The following PIP4P2 variants were observed in gnomAD, a reference collection of about 807,000 sequenced individuals.
The protein encoded by PIP4P2 is type 2 phosphatidylinositol 4,5-bisphosphate 4-phosphatase.
A neutral mutation model predicts 33.3 loss-of-function variants in PIP4P2; 19 were observed. The observed-to-expected ratio is 0.57, with a 90% CI of 0.40 to 0.84. PIP4P2 has a LOEUF of 0.84. Ranked by LOEUF, PIP4P2 falls within the 40% of genes least tolerant of loss-of-function variation. PIP4P2 has a pLI of 0.00. For synonymous variants in PIP4P2, 110 were observed against 111.9 expected (o/e 0.98, Z 0.11); for missense variants, 270 against 324.7 (o/e 0.83, Z 1.29).
At chr8:91,032,798 A>G (rs868614590) in intron 1 of PIP4P2, among the ~76,000 whole-genome samples, 107 of 149,772 alleles carry the variant, frequency 7.1e-4, no homozygotes, top group South Asian at 1.9e-3. Flanking sequence ...AAAAAAAAAA[A>G]AAAGAAAGAA....
intron 5 of PIP4P2, among the ~76,000 whole-genome samples, chr8:91,005,798 C>T (rs1811755267): frequency 6.6e-6 from 1 of 152,196 alleles, no homozygotes; most frequent in Admixed American, 6.5e-5. Context: ...ATCAATGTCT[C>T]TACTAGTCAT....
intron 1 of PIP4P2, 156 bp from the exon 2 acceptor site, chr8:91,021,560 A>G: frequency 2.6e-6 from 2 of 783,398 alleles, no homozygotes; most frequent in African/African-American, 1.7e-5. Context: ...CTTTTAGAGC[A>G]CAAACATCCA....
intron 2 of PIP4P2, among the ~76,000 whole-genome samples, 168 bp downstream of exon 2, chr8:91,021,088 G>C (rs1292242114): frequency 6.6e-6 from 1 of 152,212 alleles, no homozygotes; most frequent in Non-Finnish European, 1.5e-5. Flanking sequence ...TTTAAACACA[G>C]TGAGGTATCC....
At chr8:91,037,190 C>A (rs569431737) in intron 1 of PIP4P2, among the ~76,000 whole-genome samples, 2 of 152,306 alleles carry the variant, frequency 1.3e-5, no homozygotes, top group South Asian at 4.1e-4. Flanking sequence ...AGACATAGTT[C>A]TTTGAAGGGG....
At chr8:91,040,427 C>T (rs1361445683) in intron 1 of PIP4P2, among the ~76,000 whole-genome samples, 13 of 136,506 alleles carry the variant, frequency 9.5e-5, no homozygotes, top group South Asian at 2.2e-4. Flanking sequence ...ATCACCACCA[C>T]CACCACCACC....
chr8:91,002,748 A>G (rs762603811), intron 5 of PIP4P2, among the ~76,000 whole-genome samples: 1 of 152,150 alleles, frequency 6.6e-6, no homozygotes, highest in Non-Finnish European at 1.5e-5. Context: ...TGTTTCAGCT[A>G]ATTTTTTAGG....
At chr8:91,012,932 A>G (rs1811858493) in intron 4 of PIP4P2, among the ~76,000 whole-genome samples, 1 of 152,222 alleles carries the variant, frequency 6.6e-6, no homozygotes, top group Non-Finnish European at 1.5e-5. Context: ...AGATGATTCT[A>G]AAAATTAAAT....
At chr8:91,034,540 A>G (rs576474968) in intron 1 of PIP4P2, among the ~76,000 whole-genome samples, 1 of 152,344 alleles carries the variant, frequency 6.6e-6, no homozygotes, top group African/African-American at 2.4e-5. Context: ...GAGCATTAGC[A>G]TTAGCATAGC....
chr8:91,000,428 G>A (rs1249988329), intron 5 of PIP4P2, among the ~76,000 whole-genome samples: 4 of 151,096 alleles, frequency 2.6e-5, no homozygotes, highest in Admixed American at 6.6e-5. Flanking sequence ...AGGGTACCAG[G>A]ATGGTAGATA....
rs201023751 is a variant in PIP4P2 at position 91,040,654 on chromosome 8, G to A, written c.96C>T (p.Ser32=). 6.2e-7 allele frequency: 1 copy of A among 1,613,720 alleles called. No individual in the cohort carries two copies. The highest frequency in any genetic ancestry group is 8.5e-7 in the Non-Finnish European group (1 of 1,180,018). ...CTACGCTGGCCTTACCTCTGGGGCT[G>A]CTTTCTTGCAAGTACGGTGGGGCGG... ...TPTAPPYLQE[S]SPRAELPPPY... Residue 32 remains serine (S), a synonymous_variant, in exon 1 of 7, where the codon AGC becomes AGT. Transcript: ENST00000285419.
chr8:91,005,189 G>A (rs1811749907), intron 5 of PIP4P2, among the ~76,000 whole-genome samples: 1 of 152,092 alleles, frequency 6.6e-6, no homozygotes, highest in African/African-American at 2.4e-5. Context: ...GATCCTGCAT[G>A]TCCTGTCTCA....
At chr8:91,040,391 C>A (rs13277356) in intron 1 of PIP4P2, among the ~76,000 whole-genome samples, 592 of 30,790 alleles carry the variant, frequency 0.019, 11 homozygotes, top group Middle Eastern at 0.083. Context: ...CACACACACA[C>A]CATCACCACC....
At chr8:91,039,712 T>G (rs1437150579) in intron 1 of PIP4P2, among the ~76,000 whole-genome samples, 1 of 152,188 alleles carries the variant, frequency 6.6e-6, no homozygotes, top group African/African-American at 2.4e-5. Flanking sequence ...TAAGTGGGTT[T>G]TTTTAAGTCT....
chr8:91,020,241 C>T lies in PIP4P2; in HGVS notation c.278G>A (p.Gly93Asp), dbSNP rs1372629352. ...ACAAGGGCATCTAACATATTTCTTGCCTGTTGGGGGGTTTTTGATTGGCTG... is the reference window on the plus strand; with the variant it reads ...ACAAGGGCATCTAACATATTTCTTGTCTGTTGGGGGGTTTTTGATTGGCTG... ...EATPIKNPPT[G>D]KKYVRCPCNC... is the part of the protein sequence containing the mutation. The change falls in exon 3 of 7, where the codon GGC becomes GAC. Residue 93 changes from glycine (G) to aspartate (D), a missense_variant. Gly to Asp is a moderately conservative substitution (Grantham distance 94). Transcript: ENST00000285419. The T allele has an allele frequency of 1.2e-6, 2 of 1,613,664 alleles. No homozygotes were observed. Among genetic ancestry groups the T allele is most frequent in the South Asian group, 1.1e-5 (1 of 91,070 alleles).
chr8:91,033,846 C>T (rs1475867586), intron 1 of PIP4P2, among the ~76,000 whole-genome samples: 3 of 152,154 alleles, frequency 2.0e-5, no homozygotes, highest in Non-Finnish European at 4.4e-5. Context: ...ATGGCACAAT[C>T]GCAGCTCACT....
In PIP4P2 at chr8:91,040,777, G is replaced by A. The variant is rs749512676; in HGVS notation, c.-28C>T. 1 of 1,605,640 alleles carries A rather than the reference G, an allele frequency of 6.2e-7. No homozygotes were observed. Among genetic ancestry groups the A allele is most frequent in the Admixed American group, 1.7e-5 (1 of 59,790 alleles). On this transcript the variant is annotated 5_prime_UTR_variant, in exon 1 of 7. Coordinates refer to ENST00000285419, the MANE Select transcript of PIP4P2 (RefSeq NM_018710.3). Reference sequence around the variant, plus strand: ...CTGCGGCAGCGGCGGGGCCTGGGGAGGCCGAGCCGGGGTTGCGGCCTCGGC... The same window carrying A: ...CTGCGGCAGCGGCGGGGCCTGGGGAAGCCGAGCCGGGGTTGCGGCCTCGGC...
chr8:91,017,861 A>C (rs979370958), intron 4 of PIP4P2, among the ~76,000 whole-genome samples: 1 of 152,322 alleles, frequency 6.6e-6, no homozygotes, highest in South Asian at 2.1e-4. Context: ...AACTTTTATA[A>C]CTTTTGCTCA....
chr8:90,998,020 C>G (rs997697734), intron 5 of PIP4P2, among the ~76,000 whole-genome samples: 15 of 152,010 alleles, frequency 9.9e-5, no homozygotes, highest in Admixed American at 8.5e-4. Context: ...GTACAGCTTG[C>G]TATCTAGAGT....
At chr8:91,022,235 C>G (rs1365443743) in intron 1 of PIP4P2, among the ~76,000 whole-genome samples, 1 of 152,164 alleles carries the variant, frequency 6.6e-6, no homozygotes, top group Admixed American at 6.5e-5. Flanking sequence ...TAGTTTCACA[C>G]TACTTTTGTG....
Sources: gnomAD v4.1 joint callset for allele counts (sites outside exome capture counted in the v4.1 genomes callset) on GRCh38, gnomAD v4.1.1 for gene constraint, MANE v1.5 for transcripts, NCBI Gene and HGNC (gene_info 2026-07-23, HGNC 2026-07-21) for gene names.